ZNF41: variants seen among roughly 807,000 people sequenced by gnomAD.
ZNF41 encodes the protein zinc finger protein 41.
In ZNF41, 6 loss-of-function variants were observed where a neutral mutation model predicts 9.3. The observed-to-expected ratio is 0.65, with a 90% confidence interval of 0.35 to 1.28. The LOEUF (loss-of-function observed/expected upper bound fraction) is 1.28, where lower values mean the gene tolerates loss of function less well. ZNF41 is among the 50% of genes most tolerant of loss of function. The pLI, the probability that ZNF41 is intolerant of heterozygous loss-of-function variation, is 0.03. For missense variants in ZNF41, 523 were observed against 585.8 expected, an observed-to-expected ratio of 0.89 and a Z score of 1.11; for synonymous variants, 192 against 207.1, an observed-to-expected ratio of 0.93 and a Z score of 0.63.
intron 2 of ZNF41, among the ~76,000 whole-genome samples, chrX:47,462,649 C>G: frequency 9.0e-6 from 1 of 111,090 alleles, no homozygotes; most frequent in Non-Finnish European, 1.9e-5. Flanking sequence ...CTCACACAGA[C>G]TGACTGCTGT....
At position 47,467,759 on chromosome X, in the gene ZNF41, T is replaced by C; in HGVS notation, c.-278A>G. On this transcript the variant is annotated splice_region_variant and 5_prime_UTR_variant, in exon 2 of 5. Coordinates refer to ENST00000684689, the MANE Select transcript of ZNF41 (RefSeq NM_001324144.2). The stretch of plus-strand genomic sequence containing the variant: ...CCCAGGGGCCGCTCACTGTGCTGGA[T>C]GCTGCGGAAGAGAAAAGTTCGGTAA... 2.6e-6 allele frequency: 1 copy of C among 389,193 alleles called. No homozygotes were observed. The highest frequency in any genetic ancestry group is 2.5e-5 in the African/African-American group (1 of 40,199). The allele number at this position is 389,193 out of a possible 1,213,427, so 32.1% of individuals were successfully genotyped here.
At position 47,467,669 on chromosome X, in the gene ZNF41, C is replaced by T; in HGVS notation, c.-188G>A. 1 of 475,455 alleles carries T rather than the reference C, an allele frequency of 2.1e-6. No individual in the cohort carries two copies. The highest frequency in any genetic ancestry group is 3.7e-5 in the East Asian group (1 of 27,121). The allele number at this position is 475,455 out of a possible 1,213,427, so 39.2% of individuals were successfully genotyped here. A position where few individuals can be genotyped will look rare whatever the true frequency, so the allele number is the denominator to read the frequency against. The stretch of plus-strand genomic sequence containing the variant: ...CAGACTCTGCAGAGGCTCCAAGAAA[C>T]CCTGGAAAGACAGTGTCCACATGGT... On this transcript the variant is annotated 5_prime_UTR_variant, in exon 2 of 5. Transcript: ENST00000684689.
rs72616723 is a variant in ZNF41, at chrX:47,465,999, G to A, written c.72+1411C>T. ...CTATATATGTGTATGTGTATAGTAT[G>A]TAGCACACTCTGGCCCCACACGTAT... On this transcript the variant is annotated intron_variant, in intron 2 of 4. Transcript: ENST00000684689. Among the ~76,000 whole-genome samples the A allele has an allele frequency of 0.015, 1,687 of 110,481 alleles. 71 individuals carry two copies. In the East Asian group the frequency reaches 0.16, roughly 11 times the overall value.
intron 4 of ZNF41, among the ~76,000 whole-genome samples, chrX:47,455,246 A>G (rs1341902810): frequency 1.9e-5 from 2 of 104,180 alleles, no homozygotes; most frequent in Non-Finnish European, 3.9e-5. Context: ...ACTCTGTCTC[A>G]AAAAATAAAT....
intron 2 of ZNF41, among the ~76,000 whole-genome samples, chrX:47,466,546 T>C (rs1364804247): frequency 9.1e-6 from 1 of 110,148 alleles, no homozygotes; most frequent in East Asian, 2.8e-4. Flanking sequence ...TTTTTTTTTT[T>C]GAGTCTCACT....
intron 1 of ZNF41, 27 bp from the exon 2 acceptor site, chrX:47,467,787 C>A (rs973655836): frequency 1.8e-5 from 6 of 341,898 alleles, no homozygotes; most frequent in Non-Finnish European, 3.1e-5. Flanking sequence ...TTCGGTAAAA[C>A]CCACACCAAG....
Position 47,462,964 on chromosome X carries a change from CACATAT to C in ZNF41, c.72+4440_72+4445del, listed in dbSNP as rs749208770. 1.5e-4 allele frequency among the ~76,000 whole-genome samples: 16 copies of C among 104,074 alleles called. No individual in the cohort carries two copies. The South Asian group carries it at 3.0e-3, about 20-fold the overall frequency. 90.4% of individuals were successfully genotyped at this position (104,074 alleles called of 115,157 possible). A position where few individuals can be genotyped will look rare whatever the true frequency, so the allele number is the denominator to read the frequency against. On this transcript the variant is annotated intron_variant, in intron 2 of 4. Transcript: ENST00000684689. Reference sequence around the variant, plus strand: ...ATATATATACACACACACACACACACACATATGTGTACACACACACACACACACATA... The same window carrying C: ...ATATATATACACACACACACACACACGTGTACACACACACACACACACATA...
At chrX:47,461,961 T>C (rs1197901768) in intron 2 of ZNF41, among the ~76,000 whole-genome samples, 1 of 109,063 alleles carries the variant, frequency 9.2e-6, no homozygotes, top group African/African-American at 3.4e-5. Context: ...CTCAAACTCC[T>C]GGGCTCAAGC....
At chrX:47,459,184 T>C (rs1017727106) in intron 2 of ZNF41, among the ~76,000 whole-genome samples, 30 of 106,028 alleles carry the variant, frequency 2.8e-4, no homozygotes, top group African/African-American at 8.9e-4. Flanking sequence ...ATCTCGTCTC[T>C]TCTAGAAATA....
intron 1 of ZNF41, among the ~76,000 whole-genome samples, chrX:47,480,897 G>A (rs1267215381): frequency 9.2e-6 from 1 of 108,238 alleles, no homozygotes; most frequent in Non-Finnish European, 1.9e-5. Context: ...GTTGCTGGTG[G>A]GAGTTCCAAT....
chrX:47,469,822 A>T (rs1047521238), intron 1 of ZNF41, among the ~76,000 whole-genome samples: 1 of 111,029 alleles, frequency 9.0e-6, no homozygotes, highest in Non-Finnish European at 1.9e-5. Flanking sequence ...GTGAGCCGAG[A>T]TCGTGCCACT....
At chrX:47,455,679 CAG>C (rs953770465) in intron 4 of ZNF41, among the ~76,000 whole-genome samples, 2 of 111,939 alleles carry the variant, frequency 1.8e-5, no homozygotes, top group Admixed American at 1.9e-4. Flanking sequence ...ATACAGAGTA[CAG>C]AGACTAGAGA....
At chrX:47,460,542 G>A (rs1178582400) in intron 2 of ZNF41, among the ~76,000 whole-genome samples, 2 of 111,685 alleles carry the variant, frequency 1.8e-5, no homozygotes, top group Non-Finnish European at 3.8e-5. Flanking sequence ...AGAAGATGTA[G>A]AGAACTTGTA....
At chrX:47,459,415 T>C (rs778814747) in intron 2 of ZNF41, among the ~76,000 whole-genome samples, 50 of 108,905 alleles carry the variant, frequency 4.6e-4, no homozygotes, top group African/African-American at 1.6e-3. Context: ...GCCAAAGGTG[T>C]CCAGGCAGAT....
At chrX:47,469,310 CAAAAAAAAAAAAAAAAA>C (rs749426044) in intron 1 of ZNF41, among the ~76,000 whole-genome samples, 1 of 35,945 alleles carries the variant, frequency 2.8e-5, no homozygotes, top group Non-Finnish European at 4.8e-5. Flanking sequence ...GACTCCGTCT[CAAAAAAAAAAAAAAAAA>C]AAAAAAAAAA....
chrX:47,448,869 A>G lies in ZNF41; in HGVS notation c.901T>C (p.Cys301Arg), dbSNP rs34391244. Reference sequence around the variant, plus strand: ...GGGAAGACTTTGTTGCTTTTGTCACATTCACGGGACTTTTCTCCAGCATGA... The same window carrying G: ...GGGAAGACTTTGTTGCTTTTGTCACGTTCACGGGACTTTTCTCCAGCATGA... Reference protein sequence around the residue: ...RIHAGEKSRECDKSNKVFPQK... With the variant: ...RIHAGEKSRERDKSNKVFPQK... The change falls in exon 5 of 5, where the codon TGT becomes CGT. Residue 301 changes from cysteine (C) to arginine (R), a missense_variant. Coordinates refer to ENST00000684689, the MANE Select transcript of ZNF41 (RefSeq NM_001324144.2). 3.1e-3 allele frequency: 3,803 copies of G among 1,209,732 alleles called. 72 individuals are homozygous for G. The African/African-American group carries it at 0.058, about 18-fold the overall frequency.
chrX:47,448,024 C>A lies in ZNF41; in HGVS notation c.1746G>T (p.Lys582Asn). ...SHIGERHYEC[K>N]DCGKAFIQKS... ...TCTGGATGAAGGCTTTCCCGCAGTC[C>A]TTGCATTCATAGTGTCTCTCTCCAA... is the stretch of plus-strand genomic sequence containing the variant. The change falls in exon 5 of 5, where the codon AAG becomes AAT. Residue 582 changes from lysine (K) to asparagine (N), a missense_variant. Transcript: ENST00000684689. 4 of 1,210,530 alleles carry A rather than the reference C, an allele frequency of 3.3e-6. No individual in the cohort carries two copies. Among genetic ancestry groups the A allele is most frequent in the Non-Finnish European group, 3.4e-6 (3 of 895,118 alleles).
chrX:47,466,020 C>T (rs745670303), intron 2 of ZNF41, among the ~76,000 whole-genome samples: 9 of 110,345 alleles, frequency 8.2e-5, no homozygotes, highest in Admixed American at 2.9e-4. Context: ...TGGCCCCACA[C>T]GTATACTCAC....
intron 1 of ZNF41, among the ~76,000 whole-genome samples, chrX:47,474,963 GA>G (rs2057296099): frequency 9.5e-6 from 1 of 105,292 alleles, no homozygotes; most frequent in African/African-American, 3.5e-5. Flanking sequence ...GGTGGATCAC[GA>G]GGTCAGGAGA....
Sources: allele counts gnomAD v4.1 joint callset (sites outside exome capture counted in the v4.1 genomes callset), GRCh38; gene constraint gnomAD v4.1.1; transcripts MANE v1.5; gene names NCBI Gene and HGNC (gene_info 2026-07-23, HGNC 2026-07-21).